CAMK4: variants seen among roughly 807,000 people sequenced by gnomAD.
CAMK4 encodes the protein calcium/calmodulin dependent protein kinase IV.
In CAMK4, 22 loss-of-function variants were observed where a neutral mutation model predicts 44.9. The ratio of observed to expected loss-of-function variants is 0.49; its 90% CI spans 0.35 to 0.70. The LOEUF (loss-of-function observed/expected upper bound fraction) is 0.70, where lower values mean the gene tolerates loss of function less well. Among genes scored for constraint, CAMK4 ranks in the 30% least tolerant of loss-of-function variants. CAMK4 has a pLI of 0.01. For missense variants in CAMK4, 498 were observed against 586.8 expected (o/e 0.85, Z 1.56); for synonymous variants, 218 against 215.4 (o/e 1.01, Z -0.11).
At position 111,318,191 on chromosome 5, in the gene CAMK4, GCTTA is replaced by G. The variant is rs565907283; in HGVS notation, c.162-25830_162-25827del. 3.9e-5 allele frequency among the ~76,000 whole-genome samples: 6 copies of G among 152,160 alleles called. No individual in the cohort carries two copies. The South Asian group carries it at 1.2e-3, about 32-fold the overall frequency. Reference sequence around the variant, plus strand: ...TGTTATCTATCTATGACACAAAATGGCTTACTAAGTAATAGCCTGAAAAAGGTGA... The same window carrying G: ...TGTTATCTATCTATGACACAAAATGGCTAAGTAATAGCCTGAAAAAGGTGA... On this transcript the variant is annotated intron_variant, in intron 1 of 10. Transcript: ENST00000282356.
intron 1 of CAMK4, among the ~76,000 whole-genome samples, chr5:111,319,537 A>G (rs1003571626): frequency 2.0e-5 from 3 of 152,154 alleles, no homozygotes; most frequent in African/African-American, 7.2e-5. Context: ...GCTGTGTGCT[A>G]GGCACCTGGG....
At chr5:111,246,609 A>G (rs1749253010) in intron 1 of CAMK4, among the ~76,000 whole-genome samples, 1 of 152,128 alleles carries the variant, frequency 6.6e-6, no homozygotes. Context: ...TGCAGCATTT[A>G]AGTCCTCCTA....
chr5:111,284,275 A>G (rs750428951), intron 1 of CAMK4, among the ~76,000 whole-genome samples: 7 of 152,138 alleles, frequency 4.6e-5, no homozygotes, highest in Non-Finnish European at 7.3e-5. Flanking sequence ...ATCCATGTGG[A>G]TTTGTCAAAT....
chr5:111,265,502 T>C (rs937659570), intron 1 of CAMK4, among the ~76,000 whole-genome samples: 2 of 152,228 alleles, frequency 1.3e-5, no homozygotes, highest in African/African-American at 4.8e-5. Flanking sequence ...CTATATATAC[T>C]CCCTAAGAAC....
intron 7 of CAMK4, among the ~76,000 whole-genome samples, chr5:111,461,898 TTA>T (rs1754658175): frequency 6.6e-6 from 1 of 151,526 alleles, no homozygotes; most frequent in Admixed American, 6.6e-5. Flanking sequence ...GTTCAGGCTT[TTA>T]GATGCAAATA....
intron 1 of CAMK4, among the ~76,000 whole-genome samples, chr5:111,301,892 A>G (rs562211621): frequency 4.6e-5 from 7 of 152,254 alleles, no homozygotes; most frequent in Admixed American, 4.6e-4. Context: ...CACTTGCAAG[A>G]TGATTAAATT....
At chr5:111,241,513 T>C (rs1185877803) in intron 1 of CAMK4, among the ~76,000 whole-genome samples, 5 of 152,206 alleles carry the variant, frequency 3.3e-5, no homozygotes, top group African/African-American at 9.6e-5. Context: ...TTCTCCACTG[T>C]ACAGTTACTA....
intron 1 of CAMK4, among the ~76,000 whole-genome samples, chr5:111,301,621 G>T (rs151162628): frequency 6.6e-6 from 1 of 152,138 alleles, no homozygotes; most frequent in Non-Finnish European, 1.5e-5. Context: ...GGGTACCAGC[G>T]TCTGGATAAC....
chr5:111,463,730 C>G (rs1407985378), intron 7 of CAMK4, among the ~76,000 whole-genome samples: 1 of 152,178 alleles, frequency 6.6e-6, no homozygotes, highest in Non-Finnish European at 1.5e-5. Context: ...TGGCTAGATC[C>G]AGAAGATTAA....
At chr5:111,286,404 A>G (rs913036043) in intron 1 of CAMK4, among the ~76,000 whole-genome samples, 1 of 152,238 alleles carries the variant, frequency 6.6e-6, no homozygotes, top group African/African-American at 2.4e-5. Context: ...TAATTAGAAC[A>G]CTAAATATGA....
chr5:111,291,851 T>C (rs540887361), intron 1 of CAMK4, among the ~76,000 whole-genome samples: 62 of 152,310 alleles, frequency 4.1e-4, no homozygotes, highest in African/African-American at 1.4e-3. Context: ...GCTTTCTTAG[T>C]TTCTTTTCCT....
chr5:111,415,954 G>A (rs979825767), intron 5 of CAMK4, among the ~76,000 whole-genome samples: 8 of 152,176 alleles, frequency 5.3e-5, no homozygotes, highest in Middle Eastern at 3.2e-3. Flanking sequence ...GTGTGTAGTT[G>A]TATGCAAACA....
chr5:111,454,647 C>CAAAAAAAA (rs66917170), intron 7 of CAMK4, among the ~76,000 whole-genome samples: 14 of 114,454 alleles, frequency 1.2e-4, no homozygotes, highest in East Asian at 7.7e-4. Flanking sequence ...GTCACACAGA[C>CAAAAAAAA]AAAAAAAAAA....
chr5:111,411,647 T>C (rs1036444629), intron 5 of CAMK4, among the ~76,000 whole-genome samples: 1 of 152,214 alleles, frequency 6.6e-6, no homozygotes, highest in Non-Finnish European at 1.5e-5. Context: ...TCCTTTGTGA[T>C]CATCACTATT....
At chr5:111,287,818 T>C (rs2112618387) in intron 1 of CAMK4, among the ~76,000 whole-genome samples, 1 of 152,274 alleles carries the variant, frequency 6.6e-6, no homozygotes, top group South Asian at 2.1e-4. Flanking sequence ...CCCATAGCTA[T>C]AGAAAAATGT....
At chr5:111,328,660 A>G (rs1749012999) in intron 1 of CAMK4, among the ~76,000 whole-genome samples, 1 of 151,996 alleles carries the variant, frequency 6.6e-6, no homozygotes, top group Non-Finnish European at 1.5e-5. Context: ...ATGTTCTTCC[A>G]TTTGTTTGTA....
chr5:111,415,831 A>T (rs1016874442), intron 5 of CAMK4, among the ~76,000 whole-genome samples: 1 of 152,220 alleles, frequency 6.6e-6, no homozygotes, highest in African/African-American at 2.4e-5. Flanking sequence ...AAAAATAATA[A>T]AGAATAACAA....
chr5:111,344,408 AT>A lies in CAMK4; in HGVS notation c.240+307del, dbSNP rs1749781882. ...GTTCTTGGAGATTTTATATATATATATATGTATATACACACACACACACATA... is the reference window on the plus strand; with the variant it reads ...GTTCTTGGAGATTTTATATATATATAATGTATATACACACACACACACATA... On this transcript the variant is annotated intron_variant, in intron 2 of 10. Transcript: ENST00000282356. Among the ~76,000 whole-genome samples, 4 of 98,572 alleles carry A rather than the reference AT, an allele frequency of 4.1e-5. 1 individual carries two copies. The highest frequency in any genetic ancestry group is 6.4e-5 in the African/African-American group (2 of 31,144). The allele number at this position is 98,572 out of a possible 152,430, so 64.7% of individuals were successfully genotyped here.
intron 2 of CAMK4, among the ~76,000 whole-genome samples, chr5:111,372,678 G>C (rs756839275): frequency 1.7e-4 from 26 of 152,270 alleles, no homozygotes; most frequent in Non-Finnish European, 2.8e-4. Flanking sequence ...CTGCGTGTTT[G>C]TTACTTGAAA....
Sources: allele counts gnomAD v4.1 joint callset (sites outside exome capture counted in the v4.1 genomes callset), GRCh38; gene constraint gnomAD v4.1.1; transcripts MANE v1.5; gene names NCBI Gene and HGNC (gene_info 2026-07-23, HGNC 2026-07-21).